The following BPHL variants were observed in gnomAD, a reference collection of about 807,000 sequenced individuals.
BPHL encodes the protein serine hydrolase BPHL.
In BPHL, 27 loss-of-function variants were observed where a neutral mutation model predicts 31.2. The observed-to-expected ratio is 0.87, with a 90% CI of 0.64 to 1.19. The LOEUF (loss-of-function observed/expected upper bound fraction) is 1.19, where lower values mean the gene tolerates loss of function less well. Among genes scored for constraint, BPHL ranks in the 50% most tolerant of loss-of-function variants. The pLI is 0.00. For missense variants in BPHL, 356 were observed against 375.7 expected (o/e 0.95, Z 0.43); for synonymous variants, 150 against 146.8 (o/e 1.02, Z -0.16).
At chr6:3,143,880 G>C (rs1389746587) in intron 6 of BPHL, among the ~76,000 whole-genome samples, 7 of 152,164 alleles carry the variant, frequency 4.6e-5, no homozygotes, top group African/African-American at 1.2e-4. Context: ...GACTGCAAAC[G>C]ATGAGTCCCT....
intron 1 of BPHL, among the ~76,000 whole-genome samples, chr6:3,120,254 C>T (rs1036437223): frequency 2.6e-5 from 4 of 152,136 alleles, no homozygotes; most frequent in African/African-American, 9.6e-5. Context: ...AAGCTGATCT[C>T]GAACTCTTGA....
At chr6:3,128,928 T>C (rs1761789173) in intron 3 of BPHL, 117 bp from the exon 4 acceptor site, 5 of 1,477,812 alleles carry the variant, frequency 3.4e-6, no homozygotes, top group Admixed American at 1.7e-5. Context: ...GTTTTTCTTT[T>C]CTGACTAATT....
intron 1 of BPHL, among the ~76,000 whole-genome samples, chr6:3,120,161 A>C (rs960281436): frequency 2.0e-5 from 3 of 151,880 alleles, no homozygotes; most frequent in African/African-American, 7.3e-5. Context: ...CAGCCTCCCG[A>C]GTAGCTGGGA....
chr6:3,121,158 G>A (rs1761558567), intron 1 of BPHL, among the ~76,000 whole-genome samples: 2 of 152,138 alleles, frequency 1.3e-5, no homozygotes, highest in South Asian at 2.1e-4. Flanking sequence ...TATAAGAGAT[G>A]TAAAAATAAT....
chr6:3,123,480 A>T (rs1224392179), intron 1 of BPHL, among the ~76,000 whole-genome samples, 177 bp from the exon 2 acceptor site: 1 of 152,186 alleles, frequency 6.6e-6, no homozygotes, highest in Non-Finnish European at 1.5e-5. Context: ...TTGTGTTGGG[A>T]ACATTCAGTA....
At chr6:3,133,446 C>G (rs75866502) in intron 4 of BPHL, among the ~76,000 whole-genome samples, 3 of 152,300 alleles carry the variant, frequency 2.0e-5, no homozygotes, top group East Asian at 3.9e-4. Flanking sequence ...TTAAGCCTTC[C>G]AGGACTCCCC....
chr6:3,119,588 T>C (rs1761502932), intron 1 of BPHL: 5 of 1,571,632 alleles, frequency 3.2e-6, no homozygotes, highest in Non-Finnish European at 4.4e-6. Flanking sequence ...TCCCAAGAGA[T>C]ACTGGGCAGA....
chr6:3,129,223 C>T (rs377467476), intron 4 of BPHL, 25 bp downstream of exon 4: 34 of 1,527,808 alleles, frequency 2.2e-5, no homozygotes, highest in African/African-American at 1.4e-4. Flanking sequence ...GGGGAGATGC[C>T]GGGACGGCAG....
rs948598904 is a variant in BPHL, at chr6:3,140,764, A to G, written c.788+255A>G. 1.3e-5 allele frequency among the ~76,000 whole-genome samples: 2 copies of G among 152,242 alleles called. No homozygotes were observed. Among genetic ancestry groups the G allele is most frequent in the Non-Finnish European group, 2.9e-5 (2 of 68,038 alleles). On this transcript the variant is annotated intron_variant, in intron 6 of 6. Transcript: ENST00000380379. The surrounding 1 kb of genome is among the most constrained non-coding windows in gnomAD (Gnocchi z 5.2). ...ACTTTCATGAGTGGCAAACATGCTC[A>G]TAGGTGCTAAGCCCTGTCACTTGGT...
intron 1 of BPHL, chr6:3,119,380 C>T: frequency 6.3e-7 from 1 of 1,591,946 alleles, no homozygotes; most frequent in Non-Finnish European, 8.6e-7. Context: ...CCTTAATGTG[C>T]AAAAGAATCA....
chr6:3,152,589 A>C lies in BPHL; in HGVS notation c.*14A>C, dbSNP rs1363063850. ...TTCCTACAATGAGAATGCACACTCC[A>C]GTCTTGGTGGTTCCTTCGTGTGGGG... On this transcript the variant is annotated 3_prime_UTR_variant, in exon 7 of 7. Transcript: ENST00000380379. 6.2e-7 allele frequency: 1 copy of C among 1,605,066 alleles called. No homozygotes were observed. Among genetic ancestry groups the C allele is most frequent in the African/African-American group, 1.3e-5 (1 of 74,408 alleles).
At chr6:3,133,244 T>C (rs1761921470) in intron 4 of BPHL, among the ~76,000 whole-genome samples, 1 of 149,076 alleles carries the variant, frequency 6.7e-6, no homozygotes, top group Non-Finnish European at 1.5e-5. Flanking sequence ...TCTTCTCTTC[T>C]GCTGGGCTCT....
At chr6:3,148,227 G>A (rs113708639) in intron 6 of BPHL, among the ~76,000 whole-genome samples, 8 of 152,196 alleles carry the variant, frequency 5.3e-5, no homozygotes, top group South Asian at 2.1e-4. Flanking sequence ...GGCTGGCAGC[G>A]AGGGATCAGG....
intron 6 of BPHL, among the ~76,000 whole-genome samples, chr6:3,148,186 T>C (rs1056871303): frequency 1.2e-4 from 19 of 152,306 alleles, no homozygotes; most frequent in African/African-American, 3.4e-4. Context: ...GTCTGGGCCT[T>C]GTGTTGGGTT....
At chr6:3,146,070 CGGGGTGGAGTG>C (rs1762341259) in intron 6 of BPHL, among the ~76,000 whole-genome samples, 1 of 37,442 alleles carries the variant, frequency 2.7e-5, no homozygotes, top group Non-Finnish European at 5.4e-5. Context: ...AGTGCTGGTT[CGGGGTGGAGTG>C]CTGATGTGGG....
At chr6:3,143,989 C>T (rs906273672) in intron 6 of BPHL, among the ~76,000 whole-genome samples, 3 of 152,270 alleles carry the variant, frequency 2.0e-5, no homozygotes, top group Non-Finnish European at 2.9e-5. Flanking sequence ...GGCTCCTCAG[C>T]GAGGCTTCCT....
At position 3,140,649 on chromosome 6, in the gene BPHL, G is replaced by A. The variant is rs752946483; in HGVS notation, c.788+140G>A. 53 of 1,310,674 alleles carry A rather than the reference G, an allele frequency of 4.0e-5. No homozygotes were observed. Among genetic ancestry groups the A allele is most frequent in the Non-Finnish European group, 5.0e-5 (48 of 952,600 alleles). The allele number at this position is 1,310,674 out of a possible 1,614,324, so 81.2% of individuals were successfully genotyped here. ...TTTGCCAATGCCAGTCAGTAGCACC[G>A]CTTTATTTAGGGTACCACGGAAGAG... On this transcript the variant is annotated intron_variant, in intron 6 of 6. Coordinates refer to ENST00000380379, the MANE Select transcript of BPHL (RefSeq NM_004332.4). The surrounding 1 kb of genome is among the most constrained non-coding windows in gnomAD (Gnocchi z 5.2).
intron 6 of BPHL, among the ~76,000 whole-genome samples, chr6:3,145,934 G>A (rs1327043058): frequency 1.3e-5 from 1 of 75,940 alleles, no homozygotes; most frequent in Non-Finnish European, 3.1e-5. Flanking sequence ...GGTTCGGGTT[G>A]GAGTGCTGGT....
intron 1 of BPHL, 22 bp from the exon 2 acceptor site, chr6:3,123,635 G>A: frequency 6.2e-7 from 1 of 1,601,332 alleles, no homozygotes; most frequent in South Asian, 1.1e-5. Context: ...CCCCCTGTGG[G>A]GATGTGTTTT....
Sources: gnomAD v4.1 joint callset for allele counts (sites outside exome capture counted in the v4.1 genomes callset) on GRCh38, gnomAD v4.1.1 for gene constraint, Gnocchi (gnomAD v3.1) non-coding constraint, MANE v1.5 for transcripts, NCBI Gene and HGNC (gene_info 2026-07-23, HGNC 2026-07-21) for gene names.